The following MLLT3 variants were observed in gnomAD, a reference collection of about 807,000 sequenced individuals.
MLLT3 encodes the protein MLLT3 super elongation complex subunit.
Under a neutral mutation model 53.2 loss-of-function variants are expected in MLLT3, and 4 were observed. That is an observed-to-expected ratio of 0.08 (90% CI 0.04 to 0.17). The LOEUF is 0.17. Among genes scored for constraint, MLLT3 ranks in the 10% least tolerant of loss-of-function variants. The pLI is 1.00. For missense variants in MLLT3, 569 were observed against 684.0 expected (o/e 0.83, Z 1.87); for synonymous variants, 283 against 230.6 (o/e 1.23, Z -2.06).
intron 4 of MLLT3, among the ~76,000 whole-genome samples, chr9:20,425,777 T>A (rs1346823317): frequency 6.6e-6 from 1 of 151,930 alleles, no homozygotes; most frequent in Non-Finnish European, 1.5e-5. Flanking sequence ...TAGAAACACA[T>A]GAAAAAATTT....
At chr9:20,605,128 T>C (rs1307916635) in intron 2 of MLLT3, among the ~76,000 whole-genome samples, 1 of 152,088 alleles carries the variant, frequency 6.6e-6, no homozygotes, top group African/African-American at 2.4e-5. Flanking sequence ...AACTGCAGGA[T>C]TTATACCATT....
chr9:20,355,501 A>G, intron 8 of MLLT3, among the ~76,000 whole-genome samples: 1 of 152,242 alleles, frequency 6.6e-6, no homozygotes, highest in East Asian at 1.9e-4. Flanking sequence ...AGTTATGAAT[A>G]GCTTTACATA....
At chr9:20,583,896 T>A (rs1304810558) in intron 2 of MLLT3, among the ~76,000 whole-genome samples, 5 of 152,294 alleles carry the variant, frequency 3.3e-5, no homozygotes, top group Admixed American at 6.5e-5. Context: ...GGGATTAACA[T>A]TAGGCTCCTT....
At chr9:20,441,096 T>C (rs1412584315) in intron 4 of MLLT3, among the ~76,000 whole-genome samples, 1 of 152,164 alleles carries the variant, frequency 6.6e-6, no homozygotes, top group East Asian at 1.9e-4. Context: ...TTTCTTTCAG[T>C]CTTTGCTTAG....
At chr9:20,522,753 C>G (rs1383162734) in intron 2 of MLLT3, among the ~76,000 whole-genome samples, 1 of 152,040 alleles carries the variant, frequency 6.6e-6, no homozygotes, top group Non-Finnish European at 1.5e-5. Context: ...AAATAAATGA[C>G]ATATTTGATA....
At chr9:20,580,043 C>A (rs1161911637) in intron 2 of MLLT3, among the ~76,000 whole-genome samples, 1 of 152,140 alleles carries the variant, frequency 6.6e-6, no homozygotes, top group African/African-American at 2.4e-5. Flanking sequence ...ATAAAGAAAG[C>A]CATAGCTTCT....
At chr9:20,412,038 C>T (rs567290650) in intron 5 of MLLT3, 28 of 152,126 alleles carry the variant, frequency 1.8e-4, no homozygotes, top group South Asian at 1.7e-3. Flanking sequence ...GCTAGTGATA[C>T]GTTAAATTTA....
At chr9:20,494,600 C>T (rs1021622560) in intron 2 of MLLT3, among the ~76,000 whole-genome samples, 6 of 148,502 alleles carry the variant, frequency 4.0e-5, no homozygotes, top group Non-Finnish European at 7.4e-5. Flanking sequence ...TTTAACAGCA[C>T]GTGATGGCAT....
At chr9:20,485,541 T>C (rs1307001479) in intron 2 of MLLT3, among the ~76,000 whole-genome samples, 3 of 152,200 alleles carry the variant, frequency 2.0e-5, no homozygotes, top group African/African-American at 7.2e-5. Context: ...ATCACTACAC[T>C]TGTTTATTTC....
At chr9:20,381,437 C>T (rs1192794501) in intron 5 of MLLT3, among the ~76,000 whole-genome samples, 1 of 146,324 alleles carries the variant, frequency 6.8e-6, no homozygotes, top group Non-Finnish European at 1.5e-5. Flanking sequence ...AATGGCAGAA[C>T]TTATTGCCTA....
chr9:20,405,914 C>G (rs1249640346), intron 5 of MLLT3, among the ~76,000 whole-genome samples: 2 of 151,964 alleles, frequency 1.3e-5, no homozygotes, highest in African/African-American at 4.8e-5. Flanking sequence ...GAGTTTGAGA[C>G]CAGCCTGGCC....
chr9:20,452,165 T>G (rs965420603), intron 3 of MLLT3, among the ~76,000 whole-genome samples: 1 of 152,206 alleles, frequency 6.6e-6, no homozygotes, highest in South Asian at 2.1e-4. Flanking sequence ...CTGTGAAAAC[T>G]CTGAACAACA....
intron 2 of MLLT3, among the ~76,000 whole-genome samples, chr9:20,527,388 G>A (rs941441897): frequency 6.6e-6 from 1 of 152,086 alleles, no homozygotes; most frequent in African/African-American, 2.4e-5. Flanking sequence ...TCTTTACTGG[G>A]CACAAAATAG....
chr9:20,445,314 T>G (rs979774221), intron 4 of MLLT3, among the ~76,000 whole-genome samples: 3 of 152,158 alleles, frequency 2.0e-5, no homozygotes, highest in African/African-American at 4.8e-5. Flanking sequence ...TAGGGAGCCA[T>G]GTCACAGAAA....
intron 4 of MLLT3, among the ~76,000 whole-genome samples, chr9:20,422,296 C>T (rs1364723478): frequency 6.6e-6 from 1 of 152,110 alleles, no homozygotes; most frequent in Non-Finnish European, 1.5e-5. Context: ...GAATAATCTC[C>T]CATTTTTTAA....
At chr9:20,574,968 A>G (rs953306988) in intron 2 of MLLT3, among the ~76,000 whole-genome samples, 2 of 152,248 alleles carry the variant, frequency 1.3e-5, no homozygotes, top group African/African-American at 4.8e-5. Flanking sequence ...AAGCGTCTTC[A>G]CCAGGAATGG....
chr9:20,613,918 C>A (rs989578955), intron 2 of MLLT3, among the ~76,000 whole-genome samples: 1 of 152,048 alleles, frequency 6.6e-6, no homozygotes, highest in Non-Finnish European at 1.5e-5. Flanking sequence ...ATTAGAAAAA[C>A]CATTAAAATG....
Position 20,353,534 on chromosome 9 carries a change from A to G in MLLT3, c.1566T>C (p.Ile522=). 1 of 1,613,976 alleles carries G rather than the reference A, an allele frequency of 6.2e-7. No homozygotes were observed. ...RRLMTLRERH[I]LQQIVNLIEE... is the part of the protein sequence containing the mutation. ...AAAAAGCATTTCTCACCTGCTGCAG[A>G]ATGTGTCTTTCTCTCAATGTCATTA... The change falls in exon 10 of 11, where the codon ATT becomes ATC. Residue 522 remains isoleucine (I), a synonymous_variant. Transcript: ENST00000380338.
chr9:20,446,149 T>G (rs573334317), intron 4 of MLLT3, among the ~76,000 whole-genome samples: 2 of 152,314 alleles, frequency 1.3e-5, no homozygotes, highest in Non-Finnish European at 2.9e-5. Flanking sequence ...TTTTAAATGC[T>G]TATTTTACTA....
Sources: gnomAD v4.1 joint callset for allele counts (sites outside exome capture counted in the v4.1 genomes callset) on GRCh38, gnomAD v4.1.1 for gene constraint, MANE v1.5 for transcripts, NCBI Gene and HGNC (gene_info 2026-07-23, HGNC 2026-07-21) for gene names.